Variants in MAP3K4 observed in about 807,000 individuals in gnomAD.
The protein encoded by MAP3K4 is mitogen-activated protein kinase kinase kinase 4.
In MAP3K4, 67 loss-of-function variants were observed where a neutral mutation model predicts 185.6. The ratio of observed to expected loss-of-function variants is 0.36; its 90% CI spans 0.30 to 0.44. The LOEUF is 0.44. Ranked by LOEUF, MAP3K4 falls within the 20% of genes least tolerant of loss-of-function variation. The pLI, the probability that MAP3K4 is intolerant of heterozygous loss-of-function variation, is 1.00. For synonymous variants in MAP3K4, 702 were observed against 710.4 expected (o/e 0.99, Z 0.19); for missense variants, 1,551 against 1,995.1 (o/e 0.78, Z 4.24).
Position 161,056,117 on chromosome 6 carries a change from G to A in MAP3K4, c.1707+6138G>A, listed in dbSNP as rs1451263023. ...TTAGCCCATTGGAGCTCTTTCAGTT[G>A]CCTTCTGTGTCGTTTGATATGCTCC... is the stretch of plus-strand genomic sequence containing the variant. On this transcript the variant is annotated intron_variant, in intron 3 of 26. Coordinates refer to ENST00000392142, the MANE Select transcript of MAP3K4 (RefSeq NM_005922.4). This position sits in a 1 kb window ranked among gnomAD's most constrained non-coding sequence, Gnocchi z 5.4. Among the ~76,000 whole-genome samples the A allele has an allele frequency of 2.6e-5, 4 of 152,114 alleles. No homozygotes were observed. Among genetic ancestry groups the A allele is most frequent in the Admixed American group, 2.6e-4 (4 of 15,272 alleles).
intron 2 of MAP3K4, among the ~76,000 whole-genome samples, chr6:161,035,082 G>T (rs1013096473): frequency 1.3e-5 from 2 of 151,670 alleles, no homozygotes; most frequent in Non-Finnish European, 2.9e-5. Context: ...GGACGTAACT[G>T]TTCTTTTTTT....
In MAP3K4 at chr6:161,005,223, C is replaced by T. The variant is rs1781527181; in HGVS notation, c.152+13140C>T. ...GTACCATCATGGCTCACTGCAGCCTCGACCTCCTGGGCTCAAGTGATCCTC... is the reference window on the plus strand; with the variant it reads ...GTACCATCATGGCTCACTGCAGCCTTGACCTCCTGGGCTCAAGTGATCCTC... On this transcript the variant is annotated intron_variant, in intron 1 of 26. Transcript: ENST00000392142. Among the ~76,000 whole-genome samples the T allele has an allele frequency of 3.3e-5, 5 of 151,360 alleles. No homozygotes were observed. In the South Asian group the frequency reaches 1.0e-3, roughly 32 times the overall value.
intron 1 of MAP3K4, among the ~76,000 whole-genome samples, chr6:161,027,078 C>T (rs537597580): frequency 2.6e-5 from 4 of 152,122 alleles, no homozygotes; most frequent in Admixed American, 1.3e-4. Context: ...AGACATAAAT[C>T]AGGCAGGCCT....
intron 1 of MAP3K4, among the ~76,000 whole-genome samples, chr6:161,011,826 T>C (rs1376216241): frequency 1.3e-5 from 2 of 152,320 alleles, no homozygotes; most frequent in East Asian, 1.9e-4. Flanking sequence ...AGCTCACTGC[T>C]GCAGTCCACC....
chr6:161,084,599 G>T lies in MAP3K4; in HGVS notation c.2354G>T (p.Ser785Ile), dbSNP rs149627174. 3 of 1,605,366 alleles carry T rather than the reference G, an allele frequency of 1.9e-6. No homozygotes were observed. The highest frequency in any genetic ancestry group is 2.6e-6 in the Non-Finnish European group (3 of 1,172,074). The change falls in exon 7 of 27, where the codon AGT (serine) becomes ATT (isoleucine). Residue 785 changes from serine (S) to isoleucine (I), a missense_variant. This residue lies in a region of MAP3K4 where 130 missense variants were observed against 171.3 expected (regional missense o/e 0.76). Transcript: ENST00000392142. This position sits in a 1 kb window ranked among gnomAD's most constrained non-coding sequence, Gnocchi z 4.6. ...AEFWTSADDSSASDEIRRSVI... is the reference protein window; with the variant it reads ...AEFWTSADDSIASDEIRRSVI... Reference sequence around the variant, plus strand: ...TTTTGGACTAGTGCGGATGACAGCAGTGCTTCCGACGAAATCAGGTTGGAG... The same window carrying T: ...TTTTGGACTAGTGCGGATGACAGCATTGCTTCCGACGAAATCAGGTTGGAG...
chr6:161,038,856 C>A (rs75671491), intron 2 of MAP3K4, among the ~76,000 whole-genome samples: 1 of 152,272 alleles, frequency 6.6e-6, no homozygotes, highest in Non-Finnish European at 1.5e-5. Flanking sequence ...CCCTCACTCA[C>A]ATATGTGTCT....
rs1179603577 is a variant in MAP3K4 at position 161,106,226 on chromosome 6, A to G, written c.3857-288A>G. 6.6e-6 allele frequency among the ~76,000 whole-genome samples: 1 copy of G among 152,158 alleles called. No homozygotes were observed. Among genetic ancestry groups the G allele is most frequent in the Non-Finnish European group, 1.5e-5 (1 of 68,024 alleles). ...AAGAGTGTGGAATGGAGAGAGGAGA[A>G]ACTAGAGACATGTATATTACTGCAA... On this transcript the variant is annotated intron_variant, in intron 19 of 26. Transcript: ENST00000392142. The surrounding 1 kb of genome is among the most constrained non-coding windows in gnomAD (Gnocchi z 4.9).
rs1778211635 is a variant in MAP3K4, at chr6:161,108,614, T to C, written c.4120-129T>C. ...TAAAAACTTCCTTTTTACTTAATTT[T>C]TTGTTGTTTTTAATTGACAAATCAT... On this transcript the variant is annotated intron_variant, in intron 21 of 26. Transcript: ENST00000392142. This position sits in a 1 kb window ranked among gnomAD's most constrained non-coding sequence, Gnocchi z 5.7. The C allele has an allele frequency of 7.6e-6, 5 of 660,112 alleles. No individual in the cohort carries two copies. The highest frequency in any genetic ancestry group is 7.3e-5 in the African/African-American group (4 of 54,722). The allele number at this position is 660,112 out of a possible 1,614,324, so 40.9% of individuals were successfully genotyped here. A position where few individuals can be genotyped will look rare whatever the true frequency, so the allele number is the denominator to read the frequency against.
chr6:161,039,294 A>C (rs1335551981), intron 2 of MAP3K4, among the ~76,000 whole-genome samples: 1 of 151,934 alleles, frequency 6.6e-6, no homozygotes, highest in Admixed American at 6.6e-5. Context: ...AAAAAAAAAA[A>C]AAAAAACATC....
rs1408597946 is a variant in MAP3K4 at position 161,077,198 on chromosome 6, G to A, written c.2097+3586G>A. On this transcript the variant is annotated intron_variant, in intron 5 of 26. Transcript: ENST00000392142. The surrounding 1 kb of genome is among the most constrained non-coding windows in gnomAD (Gnocchi z 4.3). ...CAGTTCATGATCATTGTTGCCTCTGGGGAGGGAGGAAAGAGATAGAAGTGA... is the reference window on the plus strand; with the variant it reads ...CAGTTCATGATCATTGTTGCCTCTGAGGAGGGAGGAAAGAGATAGAAGTGA... Among the ~76,000 whole-genome samples the A allele has an allele frequency of 6.6e-6, 1 of 152,062 alleles. No homozygotes were observed. Among genetic ancestry groups the A allele is most frequent in the Admixed American group, 6.6e-5 (1 of 15,266 alleles).
chr6:161,080,571 A>ATTT lies in MAP3K4; in HGVS notation c.2098-310_2098-309insTTT. 1 of 321,014 alleles carries ATTT rather than the reference A, an allele frequency of 3.1e-6. No individual in the cohort carries two copies. Among genetic ancestry groups the ATTT allele is most frequent in the Non-Finnish European group, 5.8e-6 (1 of 171,396 alleles). The allele number at this position is 321,014 out of a possible 1,614,324, so 19.9% of individuals were successfully genotyped here. A position where few individuals can be genotyped will look rare whatever the true frequency, so the allele number is the denominator to read the frequency against. ...ATGTTGACAGTACATTCATAATGAA[A>ATTT]AGTTCTGGGTACTGTTCTTTTGATT... On this transcript the variant is annotated intron_variant, in intron 5 of 26. Transcript: ENST00000392142. The surrounding 1 kb of genome is among the most constrained non-coding windows in gnomAD (Gnocchi z 4.8).
At chr6:161,094,536 A>C (rs1274046461) in intron 15 of MAP3K4, among the ~76,000 whole-genome samples, 1 of 152,228 alleles carries the variant, frequency 6.6e-6, no homozygotes, top group Non-Finnish European at 1.5e-5. Flanking sequence ...AATAAAACAA[A>C]ACTGTATTTG....
Position 161,098,390 on chromosome 6 carries a change from G to A in MAP3K4, c.3637G>A (p.Val1213Met). Residue 1213 changes from valine to methionine, a missense_variant, in exon 17 of 27, where the codon GTG becomes ATG. Val to Met is a conservative substitution (Grantham distance 21). Coordinates refer to ENST00000392142, the MANE Select transcript of MAP3K4 (RefSeq NM_005922.4). This position sits in a 1 kb window ranked among gnomAD's most constrained non-coding sequence, Gnocchi z 4.4. ...SRPSPSGGDS[V>M]LPKSISSAHD... ...GCCCAGCCCCTCTGGTGGTGACTCT[G>A]TGCTGCCCAAATCCATCAGCAGTGC... is the stretch of plus-strand genomic sequence containing the variant. 6.2e-7 allele frequency: 1 copy of A among 1,613,858 alleles called. No homozygotes were observed. Among genetic ancestry groups the A allele is most frequent in the Middle Eastern group, 1.6e-4 (1 of 6,062 alleles).
rs1453576529 is a variant in MAP3K4 at position 161,102,009 on chromosome 6, G to A, written c.3775+17G>A. 1.3e-6 allele frequency: 2 copies of A among 1,594,228 alleles called. No individual in the cohort carries two copies. The highest frequency in any genetic ancestry group is 1.7e-6 in the Non-Finnish European group (2 of 1,162,548). On this transcript the variant is annotated intron_variant, in intron 18 of 26. Coordinates refer to ENST00000392142, the MANE Select transcript of MAP3K4 (RefSeq NM_005922.4). ...AGCGAGATGGTGAGTGTTTTAAGGT[G>A]TTAGCTGCATTCACAACCAGTCTAA... is the stretch of plus-strand genomic sequence containing the variant.
chr6:161,065,544 A>G (rs1458028016), intron 3 of MAP3K4, among the ~76,000 whole-genome samples: 1 of 152,226 alleles, frequency 6.6e-6, no homozygotes, highest in Non-Finnish European at 1.5e-5. Context: ...CAGTAACCAA[A>G]TTATCATCAT....
In MAP3K4 at chr6:161,002,620, C is replaced by T. The variant is rs1010767089; in HGVS notation, c.152+10537C>T. 7.4e-5 allele frequency among the ~76,000 whole-genome samples: 8 copies of T among 107,840 alleles called. No homozygotes were observed. In the South Asian group the frequency reaches 1.3e-3, roughly 17 times the overall value. 70.7% of individuals were successfully genotyped at this position (107,840 alleles called of 152,430 possible). A position where few individuals can be genotyped will look rare whatever the true frequency, so the allele number is the denominator to read the frequency against. ...TTTTTTTTTTTTTTTGAGATGGAGT[C>T]TCGCTCTGTCACCCAGGCTGGAGTG... On this transcript the variant is annotated intron_variant, in intron 1 of 26. Transcript: ENST00000392142.
chr6:161,003,429 G>C (rs765032974), intron 1 of MAP3K4, among the ~76,000 whole-genome samples: 12 of 152,154 alleles, frequency 7.9e-5, no homozygotes, highest in Non-Finnish European at 1.5e-4. Flanking sequence ...TTTTCCACTT[G>C]ATCTTTAGTT....
At chr6:161,026,733 CTTTTTTTT>C (rs553664182) in intron 1 of MAP3K4, among the ~76,000 whole-genome samples, 1 of 96,102 alleles carries the variant, frequency 1.0e-5, no homozygotes, top group Admixed American at 1.2e-4. Flanking sequence ...GTTCTCTCTC[CTTTTTTTT>C]TTTTTTTTTT....
Position 161,051,407 on chromosome 6 carries a change from C to A in MAP3K4, c.1707+1428C>A, listed in dbSNP as rs1258249021. ...TTAGGAGGAACGGGTTAAGCATTCACATAAATTCAGGAAGATGTTTACAAC... is the reference window on the plus strand; with the variant it reads ...TTAGGAGGAACGGGTTAAGCATTCAAATAAATTCAGGAAGATGTTTACAAC... On this transcript the variant is annotated intron_variant, in intron 3 of 26. Transcript: ENST00000392142. This position sits in a 1 kb window ranked among gnomAD's most constrained non-coding sequence, Gnocchi z 4.2. 6.6e-6 allele frequency among the ~76,000 whole-genome samples: 1 copy of A among 152,180 alleles called. No homozygotes were observed. Among genetic ancestry groups the A allele is most frequent in the Non-Finnish European group, 1.5e-5 (1 of 68,026 alleles).
Sources: gnomAD v4.1 joint callset for allele counts (sites outside exome capture counted in the v4.1 genomes callset) on GRCh38, gnomAD v4.1.1 for gene constraint, gnomAD v4.1.1 regional missense constraint, Gnocchi (gnomAD v3.1) non-coding constraint, MANE v1.5 for transcripts, NCBI Gene and HGNC (gene_info 2026-07-23, HGNC 2026-07-21) for gene names.